ARHGEF7: variants seen among roughly 807,000 people sequenced by gnomAD.
ARHGEF7 encodes PAK-interacting exchange factor beta.
ARHGEF7 carries 33 observed loss-of-function variants against 109.8 expected under a neutral mutation model. That is an observed-to-expected ratio of 0.30 (90% CI 0.23 to 0.40). The LOEUF (loss-of-function observed/expected upper bound fraction) is 0.40, where lower values mean the gene tolerates loss of function less well. Among genes scored for constraint, ARHGEF7 ranks in the 10% least tolerant of loss-of-function variants. ARHGEF7 has a pLI of 1.00. For synonymous variants in ARHGEF7, 458 were observed against 424.6 expected, an observed-to-expected ratio of 1.08 and a Z score of -0.97; for missense variants, 938 against 1,098.5, an observed-to-expected ratio of 0.85 and a Z score of 2.07.
chr13:111,160,718 G>C (rs542443208), intron 2 of ARHGEF7, among the ~76,000 whole-genome samples: 1 of 152,270 alleles, frequency 6.6e-6, no homozygotes, highest in South Asian at 2.1e-4. Flanking sequence ...TCATGGGGGT[G>C]ATTTCCCCCA....
chr13:111,185,102 TAG>T (rs1467583856), intron 2 of ARHGEF7: 1 of 152,138 alleles, frequency 6.6e-6, no homozygotes, highest in African/African-American at 2.4e-5. Flanking sequence ...TCTCTTTAAT[TAG>T]AGAGGGTCAC....
At chr13:111,159,060 C>T in intron 2 of ARHGEF7, 1 of 718,514 alleles carries the variant, frequency 1.4e-6, no homozygotes, top group Non-Finnish European at 2.6e-6. Context: ...TCCTCAGCAT[C>T]TGGTAACCAC....
At chr13:111,122,377 C>T (rs1419160598) in intron 1 of ARHGEF7, among the ~76,000 whole-genome samples, 1 of 152,262 alleles carries the variant, frequency 6.6e-6, no homozygotes, top group African/African-American at 2.4e-5. Flanking sequence ...GGTCCGACTG[C>T]TTCCCGGGTA....
chr13:111,210,771 G>A (rs955837419), intron 4 of ARHGEF7, among the ~76,000 whole-genome samples: 2 of 152,156 alleles, frequency 1.3e-5, no homozygotes, highest in Non-Finnish European at 1.5e-5. Context: ...CTGCTTTCTC[G>A]CGACAGTACA....
intron 20 of ARHGEF7, 113 bp downstream of exon 20, chr13:111,300,960 T>C: frequency 1.6e-6 from 1 of 611,522 alleles, no homozygotes; most frequent in East Asian, 3.0e-5. Context: ...CACTTTTTTT[T>C]TTTTTGAGAC....
At chr13:111,282,998 G>T in intron 15 of ARHGEF7, 141 bp from the exon 16 acceptor site, 1 of 1,176,418 alleles carries the variant, frequency 8.5e-7, no homozygotes. Flanking sequence ...GAGAGCCAGA[G>T]ATACGAATGA....
chr13:111,133,081 C>T (rs2074855942), intron 1 of ARHGEF7, among the ~76,000 whole-genome samples: 1 of 152,028 alleles, frequency 6.6e-6, no homozygotes, highest in South Asian at 2.1e-4. Context: ...CATGTATATA[C>T]ACATGCATAT....
At chr13:111,138,658 G>A (rs1055998439) in intron 1 of ARHGEF7, among the ~76,000 whole-genome samples, 1 of 152,088 alleles carries the variant, frequency 6.6e-6, no homozygotes, top group Admixed American at 6.6e-5. Flanking sequence ...TGCACCGCTC[G>A]CACCGTCCTT....
At chr13:111,244,870 C>T (rs970494427) in intron 8 of ARHGEF7, among the ~76,000 whole-genome samples, 6 of 152,154 alleles carry the variant, frequency 3.9e-5, no homozygotes, top group South Asian at 4.1e-4. Flanking sequence ...ATTCTTGTAG[C>T]GTAAAAATCT....
rs1460418013 is a variant in ARHGEF7 at position 111,239,206 on chromosome 13, G to T, written c.760-4666G>T. Among the ~76,000 whole-genome samples, 1 of 152,172 alleles carries T rather than the reference G, an allele frequency of 6.6e-6. No homozygotes were observed. Among genetic ancestry groups the T allele is most frequent in the Non-Finnish European group, 1.5e-5 (1 of 68,034 alleles). ...CACATGGGGATTATTACAATTCAGGGTGAGATTTGGGTGGGCCATAGAGCC... is the reference window on the plus strand; with the variant it reads ...CACATGGGGATTATTACAATTCAGGTTGAGATTTGGGTGGGCCATAGAGCC... On this transcript the variant is annotated intron_variant, in intron 6 of 21. Coordinates refer to ENST00000646102, the MANE Select transcript of ARHGEF7 (RefSeq NM_001354046.2). This position sits in a 1 kb window ranked among gnomAD's most constrained non-coding sequence, Gnocchi z 4.3.
intron 8 of ARHGEF7, among the ~76,000 whole-genome samples, chr13:111,264,276 CCT>C (rs2153579732): frequency 6.6e-6 from 1 of 152,332 alleles, no homozygotes; most frequent in East Asian, 1.9e-4. Flanking sequence ...ATTTCAGTAG[CCT>C]CTAGCCACGT....
chr13:111,189,908 C>A (rs954116363), intron 2 of ARHGEF7, among the ~76,000 whole-genome samples: 1 of 152,202 alleles, frequency 6.6e-6, no homozygotes, highest in Non-Finnish European at 1.5e-5. Context: ...CAAGTCCCCA[C>A]CCGACCCAGA....
At chr13:111,290,235 CTG>C (rs1273616576) in intron 18 of ARHGEF7, among the ~76,000 whole-genome samples, 1 of 152,152 alleles carries the variant, frequency 6.6e-6, no homozygotes, top group Non-Finnish European at 1.5e-5. Context: ...CCAACCGTGT[CTG>C]TGAGTTCTGC....
chr13:111,213,584 A>G (rs1004714070), intron 4 of ARHGEF7, among the ~76,000 whole-genome samples: 3 of 152,186 alleles, frequency 2.0e-5, no homozygotes, highest in South Asian at 2.1e-4. Flanking sequence ...TTTTTTAGCA[A>G]TGGGATTCTG....
At chr13:111,281,845 A>C (rs980732090) in intron 15 of ARHGEF7, among the ~76,000 whole-genome samples, 6 of 152,294 alleles carry the variant, frequency 3.9e-5, no homozygotes, top group African/African-American at 1.2e-4. Flanking sequence ...ACTGTGCCTC[A>C]TGTTTAAAAT....
At chr13:111,225,986 A>G (rs551593501) in intron 5 of ARHGEF7, among the ~76,000 whole-genome samples, 1 of 152,372 alleles carries the variant, frequency 6.6e-6, no homozygotes, top group Admixed American at 6.5e-5. Flanking sequence ...GCTGAAAGCT[A>G]GGCCTGTTGC....
At chr13:111,281,517 T>A (rs2092779829) in intron 15 of ARHGEF7, among the ~76,000 whole-genome samples, 1 of 152,214 alleles carries the variant, frequency 6.6e-6, no homozygotes, top group South Asian at 2.1e-4. Flanking sequence ...TCATCAGAGT[T>A]TCAGAGTCCA....
At chr13:111,204,406 A>G (rs143110306) in intron 2 of ARHGEF7, among the ~76,000 whole-genome samples, 3 of 152,172 alleles carry the variant, frequency 2.0e-5, no homozygotes, top group Non-Finnish European at 4.4e-5. Flanking sequence ...ATTTTTCTGG[A>G]ACATAGTTGT....
intron 2 of ARHGEF7, among the ~76,000 whole-genome samples, chr13:111,170,715 C>G (rs74854219): frequency 6.6e-6 from 1 of 152,158 alleles, no homozygotes; most frequent in African/African-American, 2.4e-5. Flanking sequence ...GGGTCTGGCT[C>G]CGCTCTGGGA....
Sources: allele counts gnomAD v4.1 joint callset (sites outside exome capture counted in the v4.1 genomes callset), GRCh38; gene constraint gnomAD v4.1.1; non-coding constraint Gnocchi (gnomAD v3.1); transcripts MANE v1.5; gene names NCBI Gene and HGNC (gene_info 2026-07-23, HGNC 2026-07-21).